ACO1: variants seen among roughly 807,000 people sequenced by gnomAD.
ACO1 encodes cytoplasmic aconitate hydratase.
A neutral mutation model predicts 105.1 loss-of-function variants in ACO1; 78 were observed. The ratio of observed to expected loss-of-function variants is 0.74; its 90% confidence interval spans 0.62 to 0.90. The LOEUF (loss-of-function observed/expected upper bound fraction) is 0.90. Ranked by LOEUF, ACO1 falls within the 40% of genes least tolerant of loss-of-function variation. The pLI, the probability that ACO1 is intolerant of heterozygous loss-of-function variation, is 0.00. For missense variants in ACO1, 965 were observed against 1,111.1 expected (o/e 0.87, Z 1.87); for synonymous variants, 364 against 397.4 (o/e 0.92, Z 1.00).
In ACO1 at chr9:32,423,483, G is replaced by GT. The variant is rs1940102047; in HGVS notation, c.1071+69dup. On this transcript the variant is annotated intron_variant, in intron 9 of 20. Coordinates refer to ENST00000309951, the MANE Select transcript of ACO1 (RefSeq NM_002197.3). ...CCTCAAGGCTGCGATTTTAGTGGTG[G>GT]TTTTTCTTGGGGGAATGCGCTAGTA... 3.6e-6 allele frequency: 4 copies of GT among 1,122,064 alleles called. No individual in the cohort carries two copies. The South Asian group carries it at 5.7e-5, about 16-fold the overall frequency. The allele number at this position is 1,122,064 out of a possible 1,614,324, so 69.5% of individuals were successfully genotyped here.
At chr9:32,440,432 T>C (rs747245748) in intron 18 of ACO1, 33 bp from the exon 19 acceptor site, 7 of 1,612,424 alleles carry the variant, frequency 4.3e-6, no homozygotes, top group Non-Finnish European at 5.9e-6. Context: ...TTGCCTCTCC[T>C]GCATCTGTAA....
rs780944307 is a variant in ACO1 at position 32,424,665 on chromosome 9, G to C, written c.1188G>C (p.Lys396Asn). 2.5e-6 allele frequency: 4 copies of C among 1,609,820 alleles called. No individual in the cohort carries two copies. The highest frequency in any genetic ancestry group is 3.4e-6 in the Non-Finnish European group (4 of 1,176,690). ...ACTTTGAGAGCTGCCTTGGAGCCAA[G>C]GTAGGGGCCTGCGGGAAGAGGTTGA... ...KKDFESCLGA[K>N]QGFKGFQVAP... The change falls in exon 10 of 21, where the codon AAG becomes AAC. Residue 396 changes from lysine (K) to asparagine (N), a missense_variant and splice_region_variant. Transcript: ENST00000309951.
At chr9:32,391,140 G>C (rs1360398106) in intron 1 of ACO1, among the ~76,000 whole-genome samples, 3 of 152,210 alleles carry the variant, frequency 2.0e-5, no homozygotes, top group Non-Finnish European at 4.4e-5. Flanking sequence ...GTGCTTTCGT[G>C]TGTTACCTCA....
chr9:32,447,446 A>G (rs1201027344), intron 19 of ACO1, among the ~76,000 whole-genome samples: 1 of 152,076 alleles, frequency 6.6e-6, no homozygotes, highest in Non-Finnish European at 1.5e-5. Flanking sequence ...TAAATTGGTT[A>G]TTCTAGTTAG....
At chr9:32,427,460 C>T (rs1563941336) in intron 12 of ACO1, 24 bp downstream of exon 12, 2 of 1,613,906 alleles carry the variant, frequency 1.2e-6, no homozygotes, top group Non-Finnish European at 1.7e-6. Flanking sequence ...TTCTTTTGCA[C>T]CATTGCTTTT....
In ACO1 at chr9:32,431,821, A is replaced by G; in HGVS notation, c.1829A>G (p.Lys610Arg). 6.2e-7 allele frequency: 1 copy of G among 1,614,144 alleles called. No individual in the cohort carries two copies. The highest frequency in any genetic ancestry group is 8.5e-7 in the Non-Finnish European group (1 of 1,180,010). ...ERQYVIPGMF[K>R]EVYQKIETVN... is the part of the protein sequence containing the mutation. ...CAGTATGTCATCCCGGGGATGTTTAAGGAAGTCTATCAGAAAATAGAGGTG... is the reference window on the plus strand; with the variant it reads ...CAGTATGTCATCCCGGGGATGTTTAGGGAAGTCTATCAGAAAATAGAGGTG... Residue 610 changes from lysine (K) to arginine (R), a missense_variant, in exon 15 of 21, where the codon AAG becomes AGG. Physicochemically the swap from Lys to Arg is conservative, Grantham distance 26. Transcript: ENST00000309951.
At position 32,395,433 on chromosome 9, in the gene ACO1, G is replaced by A. The variant is rs746557233; in HGVS notation, c.-22-10052G>A. Among the ~76,000 whole-genome samples the A allele has an allele frequency of 4.6e-5, 7 of 152,216 alleles. No homozygotes were observed. In the East Asian group the frequency reaches 5.8e-4, roughly 13 times the overall value. On this transcript the variant is annotated intron_variant, in intron 1 of 20. Transcript: ENST00000309951. Reference sequence around the variant, plus strand: ...AGAGGTTGCAGTGAGCCGAGATTACGCCACTGCATTCCAGCCTGGGTGACA... The same window carrying A: ...AGAGGTTGCAGTGAGCCGAGATTACACCACTGCATTCCAGCCTGGGTGACA...
At chr9:32,392,091 C>T (rs755511456) in intron 1 of ACO1, among the ~76,000 whole-genome samples, 3 of 152,156 alleles carry the variant, frequency 2.0e-5, no homozygotes, top group Non-Finnish European at 2.9e-5. Flanking sequence ...TTTACCATCT[C>T]GTCCCCATAT....
At position 32,450,517 on chromosome 9, in the gene ACO1, C is replaced by T. The variant is rs59758633; in HGVS notation, c.*406C>T. 3,755 of 281,848 alleles carry T rather than the reference C, an allele frequency of 0.013. 89 individuals carry two copies. The highest frequency in any genetic ancestry group is 0.068 in the African/African-American group (3,036 of 44,814). The allele number at this position is 281,848 out of a possible 1,614,324, so 17.5% of individuals were successfully genotyped here. A position where few individuals can be genotyped will look rare whatever the true frequency, so the allele number is the denominator to read the frequency against. On this transcript the variant is annotated 3_prime_UTR_variant, in exon 21 of 21. Transcript: ENST00000309951. ...CTTACGCTCTGCTCAATGAAACCTT[C>T]CTCTTGAGGGTCATTTTCCTTTCTG...
chr9:32,409,152 C>T (rs1166853495), intron 4 of ACO1, among the ~76,000 whole-genome samples: 1 of 152,202 alleles, frequency 6.6e-6, no homozygotes, highest in Non-Finnish European at 1.5e-5. Context: ...CCAAATCTTA[C>T]CTGTCCTTCA....
At chr9:32,442,288 G>A (rs1267843108) in intron 19 of ACO1, among the ~76,000 whole-genome samples, 4 of 151,862 alleles carry the variant, frequency 2.6e-5, no homozygotes, top group Non-Finnish European at 4.4e-5. Context: ...CCCACCCCAC[G>A]CTCCCTGCAA....
intron 1 of ACO1, among the ~76,000 whole-genome samples, chr9:32,392,249 T>C (rs1305479549): frequency 2.6e-5 from 4 of 152,170 alleles, no homozygotes; most frequent in Admixed American, 2.6e-4. Context: ...GAGAGTTGGT[T>C]CTGACATCAG....
At chr9:32,393,427 C>T (rs1358461343) in intron 1 of ACO1, among the ~76,000 whole-genome samples, 11 of 152,170 alleles carry the variant, frequency 7.2e-5, no homozygotes, top group Non-Finnish European at 1.5e-4. Context: ...CGGTTGTCTG[C>T]TTTCAAACCC....
intron 1 of ACO1, among the ~76,000 whole-genome samples, chr9:32,391,572 A>T (rs1821268271): frequency 6.6e-6 from 1 of 152,174 alleles, no homozygotes; most frequent in Non-Finnish European, 1.5e-5. Context: ...TCTTGTCTTG[A>T]TCTAAGGAGA....
chr9:32,396,988 A>T (rs7024920), intron 1 of ACO1, among the ~76,000 whole-genome samples: 122,544 of 149,520 alleles, frequency 0.82, 50,309 homozygotes, highest in Middle Eastern at 0.91. Context: ...TTTTTTTTTT[A>T]AAATCTTGAC....
intron 1 of ACO1, among the ~76,000 whole-genome samples, chr9:32,392,603 T>A (rs1385307490): frequency 6.6e-6 from 1 of 152,184 alleles, no homozygotes; most frequent in African/African-American, 2.4e-5. Context: ...ATCCACCGTG[T>A]CTAAAACCAA....
At position 32,389,233 on chromosome 9, in the gene ACO1, C is replaced by T. The variant is rs10970951; in HGVS notation, c.-23+4498C>T. 2.5e-3 allele frequency among the ~76,000 whole-genome samples: 387 copies of T among 152,262 alleles called. 14 individuals carry two copies. The East Asian group carries it at 0.061, about 24-fold the overall frequency. On this transcript the variant is annotated intron_variant, in intron 1 of 20. Coordinates refer to ENST00000309951, the MANE Select transcript of ACO1 (RefSeq NM_002197.3). ...CATGTGCATATATGTACGAGTGTGC[C>T]CCTGCATGTACAAAGGCAGCGGATA... is the stretch of plus-strand genomic sequence containing the variant.
chr9:32,436,235 T>G lies in ACO1; in HGVS notation c.2100-15T>G. 3.1e-6 allele frequency: 5 copies of G among 1,613,744 alleles called. No homozygotes were observed. Among genetic ancestry groups the G allele is most frequent in the Non-Finnish European group, 4.2e-6 (5 of 1,179,598 alleles). On this transcript the variant is annotated splice_polypyrimidine_tract_variant and intron_variant, in intron 17 of 20. Transcript: ENST00000309951. The stretch of plus-strand genomic sequence containing the variant: ...TGCTTCACTAAGCCAGCTCCTTTCT[T>G]GCTTGCCTTCTTAGCCTAACTCCAC...
rs1280821056 is a variant in ACO1, at chr9:32,452,199, A to G, written c.*2088A>G. 6.6e-6 allele frequency: 1 copy of G among 152,234 alleles called. No homozygotes were observed. The highest frequency in any genetic ancestry group is 2.1e-4 in the South Asian group (1 of 4,836). The allele number at this position is 152,234 out of a possible 1,614,324, so 9.4% of individuals were successfully genotyped here. A position where few individuals can be genotyped will look rare whatever the true frequency, so the allele number is the denominator to read the frequency against. ...CAGACCTCCACCCTCTCAGCTCTCC[A>G]TTACTGAGCAGCTGGGGAGCTGTCT... On this transcript the variant is annotated 3_prime_UTR_variant, in exon 21 of 21. Coordinates refer to ENST00000309951, the MANE Select transcript of ACO1 (RefSeq NM_002197.3).
Sources: gnomAD v4.1 joint callset for allele counts (sites outside exome capture counted in the v4.1 genomes callset) on GRCh38, gnomAD v4.1.1 for gene constraint, MANE v1.5 for transcripts, NCBI Gene and HGNC (gene_info 2026-07-23, HGNC 2026-07-21) for gene names.